RGS6: variants seen among roughly 807,000 people sequenced by gnomAD.
The protein encoded by RGS6 is regulator of G-protein signaling 6.
Under a neutral mutation model 78.5 loss-of-function variants are expected in RGS6, and 30 were observed. That is an observed-to-expected ratio of 0.38 (90% CI 0.29 to 0.52). RGS6 has a LOEUF of 0.52. RGS6 is among the 20% of genes least tolerant of loss of function. RGS6 has a pLI of 0.85. For missense variants in RGS6, 495 were observed against 609.7 expected (o/e 0.81, Z 1.98); for synonymous variants, 206 against 206.0 (o/e 1.00, Z 0.00).
At chr14:72,485,617 C>T (rs1483954952) in intron 12 of RGS6, among the ~76,000 whole-genome samples, 1 of 152,244 alleles carries the variant, frequency 6.6e-6, no homozygotes, top group Admixed American at 6.5e-5. Context: ...ACTCCCATCA[C>T]CTTCATTCCC....
intron 2 of RGS6, among the ~76,000 whole-genome samples, chr14:72,302,995 C>T (rs1316388552): frequency 6.6e-6 from 1 of 152,226 alleles, no homozygotes; most frequent in Non-Finnish European, 1.5e-5. Flanking sequence ...CATGCCTTTG[C>T]TCCTCCTTTG....
intron 2 of RGS6, among the ~76,000 whole-genome samples, chr14:72,262,348 C>G (rs2058314771): frequency 6.6e-6 from 1 of 152,212 alleles, no homozygotes; most frequent in African/African-American, 2.4e-5. Flanking sequence ...AGGTGGAGGC[C>G]TCTCTTCCTG....
chr14:72,479,344 C>G (rs1566946227), intron 12 of RGS6, among the ~76,000 whole-genome samples: 1 of 152,184 alleles, frequency 6.6e-6, no homozygotes, highest in Non-Finnish European at 1.5e-5. Context: ...TCCAGGGTTT[C>G]TCGATTGTGG....
intron 12 of RGS6, among the ~76,000 whole-genome samples, chr14:72,487,641 G>A (rs114820543): frequency 0.014 from 2,196 of 152,278 alleles, 20 homozygotes; most frequent in Middle Eastern, 0.048. Context: ...AGGGGGCCAC[G>A]AGCCAAGGAA....
chr14:72,066,061 T>C (rs1453495257), intron 2 of RGS6, among the ~76,000 whole-genome samples: 2 of 152,166 alleles, frequency 1.3e-5, no homozygotes, highest in African/African-American at 4.8e-5. Context: ...CTGAGATCAG[T>C]GTGTACTGCA....
chr14:71,877,077 A>G, the RGS6 span, among the ~76,000 whole-genome samples: 3 of 152,172 alleles, frequency 2.0e-5, no homozygotes, highest in Non-Finnish European at 2.9e-5. Flanking sequence ...TTTGTGGGTA[A>G]CCCAACCTTT....
intron 2 of RGS6, among the ~76,000 whole-genome samples, chr14:72,116,543 T>TA (rs1405008625): frequency 6.6e-6 from 1 of 151,536 alleles, no homozygotes; most frequent in African/African-American, 2.4e-5. Flanking sequence ...GTTGAGATCA[T>TA]AAAAAATGTC....
Position 72,184,369 on chromosome 14 carries a change from AACACACACACACAC to A in RGS6, c.85-167696_85-167683del, listed in dbSNP as rs10638767. Among the ~76,000 whole-genome samples the A allele has an allele frequency of 4.2e-4, 60 of 141,374 alleles. 1 individual carries two copies. Among genetic ancestry groups the A allele is most frequent in the East Asian group, 4.0e-3 (19 of 4,720 alleles). The allele number at this position is 141,374 out of a possible 152,430, so 92.7% of individuals were successfully genotyped here. A position where few individuals can be genotyped will look rare whatever the true frequency, so the allele number is the denominator to read the frequency against. On this transcript the variant is annotated intron_variant, in intron 2 of 17. Transcript: ENST00000553525. Reference sequence around the variant, plus strand: ...ATATAACAGAAGTATTTTACTTTCAAACACACACACACACACACACACACACACACACACACACA... The same window carrying A: ...ATATAACAGAAGTATTTTACTTTCAAACACACACACACACACACACACACA...
chr14:72,349,226 G>A (rs967863376), intron 2 of RGS6, among the ~76,000 whole-genome samples: 2 of 152,116 alleles, frequency 1.3e-5, no homozygotes, highest in Admixed American at 6.5e-5. Flanking sequence ...GAGTCTATAG[G>A]CCAGCTTAGG....
chr14:72,340,628 A>G (rs1455425049), intron 2 of RGS6, among the ~76,000 whole-genome samples: 1 of 152,214 alleles, frequency 6.6e-6, no homozygotes, highest in East Asian at 1.9e-4. Flanking sequence ...TGACAGCCTC[A>G]GATGCAGACT....
chr14:72,196,237 G>A (rs1227868914), intron 2 of RGS6, among the ~76,000 whole-genome samples: 2 of 152,218 alleles, frequency 1.3e-5, no homozygotes, highest in Non-Finnish European at 2.9e-5. Context: ...TCTATCTTGT[G>A]TGACTGGGGG....
chr14:72,025,396 G>A (rs1434598453), intron 2 of RGS6, among the ~76,000 whole-genome samples: 1 of 152,098 alleles, frequency 6.6e-6, no homozygotes, highest in African/African-American at 2.4e-5. Context: ...GCCGAATAGT[G>A]TTTCTTTGGG....
chr14:72,303,449 T>A (rs2066545794), intron 2 of RGS6, among the ~76,000 whole-genome samples: 1 of 152,134 alleles, frequency 6.6e-6, no homozygotes, highest in Non-Finnish European at 1.5e-5. Flanking sequence ...TGCAGTGAGC[T>A]GAGATTGTGC....
the RGS6 span, among the ~76,000 whole-genome samples, chr14:71,882,934 A>G: frequency 2.0e-5 from 3 of 152,200 alleles, no homozygotes; most frequent in African/African-American, 4.8e-5. Context: ...TCAAACAGCC[A>G]AGAAACCCTT....
At chr14:72,231,865 AG>A (rs1226428651) in intron 2 of RGS6, among the ~76,000 whole-genome samples, 1 of 152,024 alleles carries the variant, frequency 6.6e-6, no homozygotes, top group African/African-American at 2.4e-5. Context: ...GAACTGGGAT[AG>A]GTTGCAACAA....
chr14:72,401,490 TTA>T (rs1389300267), intron 3 of RGS6, among the ~76,000 whole-genome samples: 1 of 151,668 alleles, frequency 6.6e-6, no homozygotes, highest in Non-Finnish European at 1.5e-5. Context: ...AAACATGATT[TTA>T]TATGTGTGAG....
chr14:72,425,633 C>T (rs2094403685), intron 3 of RGS6, among the ~76,000 whole-genome samples: 1 of 151,984 alleles, frequency 6.6e-6, no homozygotes, highest in African/African-American at 2.4e-5. Context: ...TCATTTTTTC[C>T]CAATCAGATT....
chr14:71,995,141 C>A (rs556760737), intron 2 of RGS6, among the ~76,000 whole-genome samples: 1 of 152,272 alleles, frequency 6.6e-6, no homozygotes, highest in South Asian at 2.1e-4. Context: ...CTCTCCAAAC[C>A]CCTTTTCCCT....
chr14:72,051,745 C>T (rs2093259843), intron 2 of RGS6, among the ~76,000 whole-genome samples: 2 of 152,186 alleles, frequency 1.3e-5, no homozygotes, highest in Admixed American at 6.5e-5. Flanking sequence ...AATGTATTAT[C>T]AGGAGTTACA....
Sources: allele counts gnomAD v4.1 joint callset (sites outside exome capture counted in the v4.1 genomes callset), GRCh38; gene constraint gnomAD v4.1.1; transcripts MANE v1.5; gene names NCBI Gene and HGNC (gene_info 2026-07-23, HGNC 2026-07-21).